Variants in GLIS1 observed in about 807,000 individuals in gnomAD.
The protein encoded by GLIS1 is zinc finger protein GLIS1.
In GLIS1, 24 loss-of-function variants were observed where a neutral mutation model predicts 63.8. That is an observed-to-expected ratio of 0.38 (90% CI 0.27 to 0.53). The LOEUF is 0.53. GLIS1 is among the 20% of genes least tolerant of loss of function. GLIS1 has a pLI of 0.85. For missense variants in GLIS1, 1,036 were observed against 1,074.1 expected (o/e 0.96, Z 0.50); for synonymous variants, 450 against 482.5 (o/e 0.93, Z 0.88).
chr1:53,715,777 AATCTGGCCCC>A (rs926681279), intron 2 of GLIS1, among the ~76,000 whole-genome samples: 1 of 152,132 alleles, frequency 6.6e-6, no homozygotes, highest in African/African-American at 2.4e-5. Flanking sequence ...AGGGTGACCA[AATCTGGCCCC>A]ATGGAGGCCG....
At chr1:53,556,861 C>CTGCAGGTGTGTGTA (rs1644839664) in intron 4 of GLIS1, among the ~76,000 whole-genome samples, 1 of 132,272 alleles carries the variant, frequency 7.6e-6, no homozygotes, top group Non-Finnish European at 1.6e-5. Context: ...TGCAGGTATA[C>CTGCAGGTGTGTGTA]TGCAGGTGTG....
Position 53,511,497 on chromosome 1 carries a change from C to A in GLIS1, c.1884-1470G>T, listed in dbSNP as rs1040957116. Among the ~76,000 whole-genome samples the A allele has an allele frequency of 7.2e-5, 11 of 152,146 alleles. No homozygotes were observed. The highest frequency in any genetic ancestry group is 7.2e-4 in the Admixed American group (11 of 15,286). On this transcript the variant is annotated intron_variant, in intron 8 of 10. Coordinates refer to ENST00000628545, the MANE Select transcript of GLIS1 (RefSeq NM_001367484.1). The surrounding 1 kb of genome is among the most constrained non-coding windows in gnomAD (Gnocchi z 4.2). ...CTGTCATCATCCACACGTGTGGGGC[C>A]CCCGTCACTGTGAGCTCGCTGAGGA...
intron 4 of GLIS1, among the ~76,000 whole-genome samples, chr1:53,550,266 T>C (rs1432924902): frequency 1.3e-5 from 2 of 152,200 alleles, no homozygotes; most frequent in Non-Finnish European, 2.9e-5. Context: ...AGAACGATGA[T>C]GTCAGCACCA....
At chr1:53,653,420 G>A (rs190247102) in intron 2 of GLIS1, among the ~76,000 whole-genome samples, 27 of 152,082 alleles carry the variant, frequency 1.8e-4, no homozygotes, top group African/African-American at 5.3e-4. Context: ...ACAGCCCGGC[G>A]ACCCCTGCCC....
chr1:53,602,579 G>A (rs1008318222), intron 2 of GLIS1, among the ~76,000 whole-genome samples: 1 of 152,178 alleles, frequency 6.6e-6, no homozygotes. Context: ...GCAGGCCCTA[G>A]AAAGGGTGGA....
At chr1:53,570,453 C>T (rs914671857) in intron 4 of GLIS1, among the ~76,000 whole-genome samples, 2 of 152,112 alleles carry the variant, frequency 1.3e-5, no homozygotes, top group Non-Finnish European at 1.5e-5. Context: ...TTCCAAAATA[C>T]ACATATGGAA....
At chr1:53,650,589 C>CAAAAAA (rs61374751) in intron 2 of GLIS1, among the ~76,000 whole-genome samples, 1 of 105,512 alleles carries the variant, frequency 9.5e-6, no homozygotes. Flanking sequence ...GACTTCATCT[C>CAAAAAA]AAAAAAAAAA....
chr1:53,700,979 C>T (rs1039279094), intron 2 of GLIS1, among the ~76,000 whole-genome samples: 5 of 152,170 alleles, frequency 3.3e-5, no homozygotes, highest in African/African-American at 1.2e-4. Context: ...GAATAATATT[C>T]CATTGCACAG....
chr1:53,655,591 T>C (rs886713623), intron 2 of GLIS1, among the ~76,000 whole-genome samples: 4 of 152,192 alleles, frequency 2.6e-5, no homozygotes, highest in African/African-American at 9.7e-5. Flanking sequence ...AAGAGTGAGA[T>C]GCACCAGATA....
chr1:53,554,558 G>A (rs965399107), intron 4 of GLIS1, among the ~76,000 whole-genome samples: 1 of 152,180 alleles, frequency 6.6e-6, no homozygotes. Flanking sequence ...CTCAAGTAGG[G>A]CACTACAGGA....
intron 7 of GLIS1, among the ~76,000 whole-genome samples, chr1:53,518,029 A>G (rs1428124390): frequency 6.6e-5 from 10 of 152,200 alleles, no homozygotes; most frequent in Admixed American, 6.5e-4. Context: ...TGTGTCATCA[A>G]TCATCAGCCG....
intron 4 of GLIS1, among the ~76,000 whole-genome samples, chr1:53,555,219 G>C (rs527323794): frequency 6.6e-6 from 1 of 152,206 alleles, no homozygotes; most frequent in African/African-American, 2.4e-5. Context: ...GAAGGCTGCT[G>C]AGAGAGATGT....
chr1:53,731,467 A>G lies in GLIS1; in HGVS notation c.259+6339T>C, dbSNP rs150889919. On this transcript the variant is annotated intron_variant, in intron 2 of 10. Coordinates refer to ENST00000628545, the MANE Select transcript of GLIS1 (RefSeq NM_001367484.1). ...GGGGCGCGCAGCTCTCTAGAGCCGC[A>G]TCCTCTCCTTCCCAGCCGCCTGGGT... Among the ~76,000 whole-genome samples the G allele has an allele frequency of 3.7e-3, 564 of 152,184 alleles. 5 individuals carry two copies. Among genetic ancestry groups the G allele is most frequent in the African/African-American group, 0.013 (531 of 41,524 alleles).
intron 2 of GLIS1, among the ~76,000 whole-genome samples, chr1:53,607,854 G>T (rs977680713): frequency 6.6e-6 from 1 of 152,134 alleles, no homozygotes; most frequent in African/African-American, 2.4e-5. Context: ...TTCTGGTAAG[G>T]GCTCTCTTCC....
At chr1:53,548,249 A>G (rs1256102500) in intron 4 of GLIS1, among the ~76,000 whole-genome samples, 1 of 152,208 alleles carries the variant, frequency 6.6e-6, no homozygotes, top group Non-Finnish European at 1.5e-5. Context: ...GTGGGTGAGT[A>G]CTGAGAGCCT....
At chr1:53,731,932 A>C (rs1646865540) in intron 2 of GLIS1, among the ~76,000 whole-genome samples, 1 of 152,226 alleles carries the variant, frequency 6.6e-6, no homozygotes, top group East Asian at 1.9e-4. Context: ...ACTATGGATC[A>C]TCCAACTGAA....
chr1:53,575,269 G>C (rs904433027), intron 4 of GLIS1, among the ~76,000 whole-genome samples: 4 of 152,030 alleles, frequency 2.6e-5, no homozygotes, highest in Non-Finnish European at 1.5e-5. Flanking sequence ...CACGCCTCAC[G>C]CCCCCCTGCT....
intron 2 of GLIS1, among the ~76,000 whole-genome samples, chr1:53,652,382 A>AG (rs1041098052): frequency 1.3e-5 from 2 of 152,096 alleles, no homozygotes; most frequent in Non-Finnish European, 2.9e-5. Flanking sequence ...TCTCAGGCCC[A>AG]GGGGTGAGTC....
At chr1:53,514,195 G>A (rs567634551) in intron 8 of GLIS1, among the ~76,000 whole-genome samples, 36 of 152,320 alleles carry the variant, frequency 2.4e-4, no homozygotes, top group African/African-American at 7.2e-4. Flanking sequence ...GGAGGTGGGC[G>A]TGGGGCCCAG....
Sources: gnomAD v4.1 joint callset for allele counts (sites outside exome capture counted in the v4.1 genomes callset) on GRCh38, gnomAD v4.1.1 for gene constraint, Gnocchi (gnomAD v3.1) non-coding constraint, MANE v1.5 for transcripts, NCBI Gene and HGNC (gene_info 2026-07-23, HGNC 2026-07-21) for gene names.